SLC24A2: variants seen among roughly 807,000 people sequenced by gnomAD.
SLC24A2 encodes solute carrier family 24 member 2, also known as sodium/potassium/calcium exchanger 2.
In SLC24A2, 36 loss-of-function variants were observed where a neutral mutation model predicts 62.0. The ratio of observed to expected loss-of-function variants is 0.58; its 90% CI spans 0.44 to 0.77. SLC24A2 has a LOEUF of 0.77. SLC24A2 is among the 30% of genes least tolerant of loss of function. SLC24A2 has a pLI of 0.00. For missense variants in SLC24A2, 846 were observed against 817.9 expected, an observed-to-expected ratio of 1.03 and a Z score of -0.42; for synonymous variants, 358 against 294.0, an observed-to-expected ratio of 1.22 and a Z score of -2.23.
chr9:19,877,004 G>C, the SLC24A2 span, among the ~76,000 whole-genome samples: 1 of 151,884 alleles, frequency 6.6e-6, no homozygotes, highest in Non-Finnish European at 1.5e-5. Flanking sequence ...TTTCAGAATG[G>C]AAAACTTTGG....
At chr9:19,725,055 T>G (rs1478028499) in intron 2 of SLC24A2, among the ~76,000 whole-genome samples, 5 of 152,162 alleles carry the variant, frequency 3.3e-5, no homozygotes, top group Non-Finnish European at 7.3e-5. Context: ...TGTAGTTATA[T>G]TTATTCAGTA....
chr9:19,645,933 G>A (rs1818627307), intron 2 of SLC24A2, among the ~76,000 whole-genome samples: 1 of 152,234 alleles, frequency 6.6e-6, no homozygotes, highest in African/African-American at 2.4e-5. Context: ...GATTCAATCA[G>A]TGTCTTGTTT....
the SLC24A2 span, among the ~76,000 whole-genome samples, chr9:19,976,048 T>A: frequency 6.6e-6 from 1 of 152,152 alleles, no homozygotes; most frequent in Non-Finnish European, 1.5e-5. Flanking sequence ...AGCTAATTTT[T>A]AAATTTTTAA....
At chr9:20,277,422 C>T in the SLC24A2 span, among the ~76,000 whole-genome samples, 1 of 151,556 alleles carries the variant, frequency 6.6e-6, no homozygotes, top group Admixed American at 6.5e-5. Flanking sequence ...AAAAAGTGGG[C>T]AAAGGATATG....
At chr9:20,136,235 A>G in the SLC24A2 span, among the ~76,000 whole-genome samples, 1 of 152,186 alleles carries the variant, frequency 6.6e-6, no homozygotes, top group Non-Finnish European at 1.5e-5. Flanking sequence ...GCTAGAAAAC[A>G]TATCTCATTC....
chr9:19,528,217 C>T (rs1025988105), intron 8 of SLC24A2, 79 bp from the exon 9 acceptor site: 6 of 943,590 alleles, frequency 6.4e-6, no homozygotes, highest in Non-Finnish European at 1.0e-5. Flanking sequence ...CTAAAGCCAC[C>T]ATTGTAGCAA....
chr9:20,046,013 A>G, the SLC24A2 span, among the ~76,000 whole-genome samples: 18 of 152,188 alleles, frequency 1.2e-4, no homozygotes, highest in Admixed American at 1.0e-3. Context: ...ACTCACCCCC[A>G]GGCTGGCCAG....
At chr9:20,207,088 G>A in the SLC24A2 span, among the ~76,000 whole-genome samples, 1 of 152,108 alleles carries the variant, frequency 6.6e-6, no homozygotes, top group Admixed American at 6.6e-5. Flanking sequence ...AGTAAATACT[G>A]AGTAACATTC....
chr9:20,082,560 C>A, the SLC24A2 span, among the ~76,000 whole-genome samples: 2 of 152,210 alleles, frequency 1.3e-5, no homozygotes, highest in Non-Finnish European at 2.9e-5. Context: ...GTGGTTTTCT[C>A]TCTGCATGGC....
chr9:19,725,214 G>A (rs1192734645), intron 2 of SLC24A2, among the ~76,000 whole-genome samples: 3 of 152,152 alleles, frequency 2.0e-5, no homozygotes, highest in Non-Finnish European at 4.4e-5. Context: ...ACAGTGCTCA[G>A]GTAATTCCCC....
rs1819444400 is a variant in SLC24A2 at position 19,672,295 on chromosome 9, A to T, written c.931-49996T>A. Among the ~76,000 whole-genome samples the T allele has an allele frequency of 2.0e-5, 3 of 146,374 alleles. 1 individual carries two copies. Among genetic ancestry groups the T allele is most frequent in the African/African-American group, 8.1e-5 (3 of 37,128 alleles). ...GAGGGTTGTATATTTCCAGGAATTT[A>T]TCCATCTCCTCTAGGTTTTCTAGTT... On this transcript the variant is annotated intron_variant, in intron 2 of 10. Coordinates refer to ENST00000341998, the MANE Select transcript of SLC24A2 (RefSeq NM_020344.4).
the SLC24A2 span, among the ~76,000 whole-genome samples, chr9:19,859,731 C>A: frequency 6.6e-6 from 1 of 152,208 alleles, no homozygotes; most frequent in African/African-American, 2.4e-5. Flanking sequence ...GGACATCACC[C>A]ATTTCTCATC....
chr9:20,141,695 C>G, the SLC24A2 span, among the ~76,000 whole-genome samples: 1 of 151,960 alleles, frequency 6.6e-6, no homozygotes, highest in South Asian at 2.1e-4. Flanking sequence ...CTAGAAACGA[C>G]GCTACTGCAG....
chr9:19,657,728 T>A lies in SLC24A2; in HGVS notation c.931-35429A>T, dbSNP rs1020967158. ...CTGCAGAACCCTCAGTCTTTTACTTTCTTTCTTTCTTTTTTTGAAACAGCG... is the reference window on the plus strand; with the variant it reads ...CTGCAGAACCCTCAGTCTTTTACTTACTTTCTTTCTTTTTTTGAAACAGCG... On this transcript the variant is annotated intron_variant, in intron 2 of 10. Transcript: ENST00000341998. Among the ~76,000 whole-genome samples, 5 of 152,256 alleles carry A rather than the reference T, an allele frequency of 3.3e-5. No individual in the cohort carries two copies. The East Asian group carries it at 5.8e-4, about 18-fold the overall frequency.
At chr9:20,261,873 G>A in the SLC24A2 span, among the ~76,000 whole-genome samples, 2 of 149,946 alleles carry the variant, frequency 1.3e-5, no homozygotes, top group East Asian at 2.0e-4. Context: ...CCGAGTAGCC[G>A]GGACTACAGG....
At chr9:19,560,301 G>T (rs60971916) in intron 7 of SLC24A2, among the ~76,000 whole-genome samples, 14,803 of 110,008 alleles carry the variant, frequency 0.13, 920 homozygotes, top group Middle Eastern at 0.2. Context: ...TTATGAGCCC[G>T]CCCCCCACCC....
the SLC24A2 span, among the ~76,000 whole-genome samples, chr9:20,241,072 G>A: frequency 6.6e-6 from 1 of 152,186 alleles, no homozygotes; most frequent in African/African-American, 2.4e-5. Flanking sequence ...TTACAGTAAT[G>A]AAGATGTGAT....
chr9:20,258,871 T>A, the SLC24A2 span, among the ~76,000 whole-genome samples: 6 of 151,148 alleles, frequency 4.0e-5, no homozygotes, highest in African/African-American at 1.5e-4. Context: ...TATCTATCCA[T>A]CCATCCATCC....
In SLC24A2 at chr9:19,510,871, C is replaced by T. The variant is rs1832688592; in HGVS notation, c.*5282G>A. The T allele has an allele frequency of 1.3e-5, 2 of 152,248 alleles. No homozygotes were observed. The highest frequency in any genetic ancestry group is 4.8e-5 in the African/African-American group (2 of 41,432). The allele number at this position is 152,248 out of a possible 1,614,324, so 9.4% of individuals were successfully genotyped here. A position where few individuals can be genotyped will look rare whatever the true frequency, so the allele number is the denominator to read the frequency against. On this transcript the variant is annotated 3_prime_UTR_variant, in exon 11 of 11. Transcript: ENST00000341998. The stretch of plus-strand genomic sequence containing the variant: ...TTTTTGCCTCTCGAATGCTGCCTGA[C>T]TTGTGGATTTGCTTGTCCTTTGTAG...
Sources: gnomAD v4.1 joint callset for allele counts (sites outside exome capture counted in the v4.1 genomes callset) on GRCh38, gnomAD v4.1.1 for gene constraint, MANE v1.5 for transcripts, NCBI Gene and HGNC (gene_info 2026-07-23, HGNC 2026-07-21) for gene names.